Variants in RNF220 observed in about 807,000 individuals in gnomAD.
RNF220 encodes E3 ubiquitin-protein ligase RNF220.
Under a neutral mutation model 67.1 loss-of-function variants are expected in RNF220, and 7 were observed. The ratio of observed to expected loss-of-function variants is 0.10; its 90% CI spans 0.06 to 0.20. The LOEUF is 0.20. RNF220 is among the 10% of genes least tolerant of loss of function. The pLI is 1.00. For missense variants in RNF220, 565 were observed against 740.3 expected (o/e 0.76, Z 2.75); for synonymous variants, 270 against 283.2 (o/e 0.95, Z 0.47).
intron 2 of RNF220, among the ~76,000 whole-genome samples, chr1:44,430,014 T>C (rs1010689665): frequency 9.3e-5 from 14 of 150,582 alleles, no homozygotes; most frequent in African/African-American, 3.4e-4. Context: ...GAATACTACA[T>C]AGTGGTTAAA....
At chr1:44,599,206 TAAAAC>T (rs1182574696) in intron 2 of RNF220, among the ~76,000 whole-genome samples, 2 of 151,760 alleles carry the variant, frequency 1.3e-5, no homozygotes, top group African/African-American at 4.8e-5. Context: ...AATAAATAAA[TAAAAC>T]AAAGAGCTCA....
intron 2 of RNF220, among the ~76,000 whole-genome samples, chr1:44,451,304 G>A (rs1422887787): frequency 6.6e-6 from 1 of 151,932 alleles, no homozygotes; most frequent in Non-Finnish European, 1.5e-5. Context: ...GATATTATCA[G>A]TCCTTTAATT....
At chr1:44,633,867 TAG>T (rs894780633) in intron 6 of RNF220, among the ~76,000 whole-genome samples, 8 of 152,374 alleles carry the variant, frequency 5.3e-5, no homozygotes, top group African/African-American at 1.9e-4. Flanking sequence ...GCCCTGGCTC[TAG>T]AGTGTCAAGG....
chr1:44,422,192 T>G (rs779085587), intron 2 of RNF220, among the ~76,000 whole-genome samples: 2 of 152,220 alleles, frequency 1.3e-5, no homozygotes, highest in Non-Finnish European at 2.9e-5. Flanking sequence ...AATGCCAAAA[T>G]CATGGTTCAG....
At chr1:44,469,528 C>G (rs988469019) in intron 2 of RNF220, among the ~76,000 whole-genome samples, 1 of 152,200 alleles carries the variant, frequency 6.6e-6, no homozygotes. Context: ...AGATCTGCCA[C>G]TTAACACCAC....
At chr1:44,613,692 C>T (rs543740492) in intron 2 of RNF220, among the ~76,000 whole-genome samples, 10 of 152,302 alleles carry the variant, frequency 6.6e-5, no homozygotes, top group South Asian at 4.1e-4. Context: ...GCCTGACCAA[C>T]AAGATGAAAT....
At position 44,635,608 on chromosome 1, in the gene RNF220, GC is replaced by G; in HGVS notation, c.993+25del. 1 of 1,614,120 alleles carries G rather than the reference GC, an allele frequency of 6.2e-7. No homozygotes were observed. Among genetic ancestry groups the G allele is most frequent in the Non-Finnish European group, 8.5e-7 (1 of 1,179,970 alleles). ...GGGCAGGTATGTCCCCTGTGCAACC[GC>G]CCCCTGGCAGGATCGGAGCAGGAGA... On this transcript the variant is annotated intron_variant, in intron 7 of 14. Transcript: ENST00000361799.
chr1:44,568,794 A>T (rs1006769428), intron 2 of RNF220, among the ~76,000 whole-genome samples: 86 of 152,216 alleles, frequency 5.6e-4, no homozygotes, highest in African/African-American at 2.0e-3. Flanking sequence ...AGAACTTATT[A>T]TCTCTGTGCC....
intron 2 of RNF220, among the ~76,000 whole-genome samples, chr1:44,427,585 C>G (rs1335375863): frequency 6.6e-6 from 1 of 152,104 alleles, no homozygotes; most frequent in East Asian, 1.9e-4. Context: ...TCAAACATAC[C>G]CTTTGGTGGG....
At chr1:44,505,368 T>C (rs1293762398) in intron 2 of RNF220, among the ~76,000 whole-genome samples, 2 of 152,340 alleles carry the variant, frequency 1.3e-5, no homozygotes, top group Non-Finnish European at 2.9e-5. Flanking sequence ...CCCTGATTTC[T>C]CCTGGCCAGC....
chr1:44,540,793 T>G (rs1661613882), intron 2 of RNF220, among the ~76,000 whole-genome samples: 1 of 152,010 alleles, frequency 6.6e-6, no homozygotes. Flanking sequence ...CACGCCAGTG[T>G]CTCTGTCCAG....
intron 2 of RNF220, among the ~76,000 whole-genome samples, chr1:44,559,667 G>A (rs1458121535): frequency 1.3e-5 from 2 of 152,308 alleles, no homozygotes; most frequent in South Asian, 2.1e-4. Flanking sequence ...GGGGGCCACG[G>A]CCCTGACTCC....
intron 2 of RNF220, among the ~76,000 whole-genome samples, chr1:44,479,136 G>A (rs1034844282): frequency 1.4e-4 from 19 of 136,916 alleles, no homozygotes; most frequent in Non-Finnish European, 1.6e-5. Flanking sequence ...TTTTTTTTTA[G>A]ACAGAGTCTC....
At chr1:44,437,356 A>C (rs1651082807) in intron 2 of RNF220, among the ~76,000 whole-genome samples, 1 of 152,224 alleles carries the variant, frequency 6.6e-6, no homozygotes, top group Non-Finnish European at 1.5e-5. Flanking sequence ...TAGAAACCAT[A>C]ATTAGCAATT....
chr1:44,539,109 T>G (rs1661473068), intron 2 of RNF220, among the ~76,000 whole-genome samples: 1 of 151,774 alleles, frequency 6.6e-6, no homozygotes, highest in Non-Finnish European at 1.5e-5. Context: ...TAATCCCAAC[T>G]ATTCAGGAGG....
chr1:44,571,442 T>G (rs1464443512), intron 2 of RNF220, among the ~76,000 whole-genome samples: 1 of 152,234 alleles, frequency 6.6e-6, no homozygotes, highest in Non-Finnish European at 1.5e-5. Context: ...CTCATTTTCC[T>G]TCATTTTGCG....
At chr1:44,561,372 T>G (rs572968443) in intron 2 of RNF220, among the ~76,000 whole-genome samples, 1 of 152,282 alleles carries the variant, frequency 6.6e-6, no homozygotes, top group South Asian at 2.1e-4. Context: ...TAGCTGGGCA[T>G]GGTGGCCGGC....
chr1:44,622,861 A>G lies in RNF220; in HGVS notation c.804+74A>G, dbSNP rs1427599199. 4 of 1,299,352 alleles carry G rather than the reference A, an allele frequency of 3.1e-6. No individual in the cohort carries two copies. In the African/African-American group the frequency reaches 5.9e-5, roughly 19 times the overall value. 80.5% of individuals were successfully genotyped at this position (1,299,352 alleles called of 1,614,324 possible). A position where few individuals can be genotyped will look rare whatever the true frequency, so the allele number is the denominator to read the frequency against. On this transcript the variant is annotated intron_variant, in intron 4 of 14. Transcript: ENST00000361799. The surrounding 1 kb of genome is among the most constrained non-coding windows in gnomAD (Gnocchi z 4.3). Reference sequence around the variant, plus strand: ...TACCCAGAACTGGTTCCTCCTGAGAAAAAGGAGCTTTTCTAGTATCCTCAA... The same window carrying G: ...TACCCAGAACTGGTTCCTCCTGAGAGAAAGGAGCTTTTCTAGTATCCTCAA...
chr1:44,569,930 C>T (rs895131600), intron 2 of RNF220, among the ~76,000 whole-genome samples: 2 of 152,144 alleles, frequency 1.3e-5, no homozygotes, highest in Non-Finnish European at 2.9e-5. Flanking sequence ...TTTGGTATTA[C>T]ACTTGGCAGT....
Sources: gnomAD v4.1 joint callset for allele counts (sites outside exome capture counted in the v4.1 genomes callset) on GRCh38, gnomAD v4.1.1 for gene constraint, Gnocchi (gnomAD v3.1) non-coding constraint, MANE v1.5 for transcripts, NCBI Gene and HGNC (gene_info 2026-07-23, HGNC 2026-07-21) for gene names.